Variants in MTBP observed in about 807,000 individuals in gnomAD.
MTBP encodes the protein MDM2 binding protein, also known as mdm2-binding protein.
In MTBP, 101 loss-of-function variants were observed where a neutral mutation model predicts 117.0. The observed-to-expected ratio is 0.86, with a 90% confidence interval of 0.73 to 1.02. The LOEUF (loss-of-function observed/expected upper bound fraction) is 1.02, where lower values mean the gene tolerates loss of function less well. MTBP is among the 50% of genes least tolerant of loss of function. The pLI, the probability that MTBP is intolerant of heterozygous loss-of-function variation, is 0.00. For missense variants in MTBP, 970 were observed against 1,030.9 expected, an observed-to-expected ratio of 0.94 and a Z score of 0.81; for synonymous variants, 350 against 351.5, an observed-to-expected ratio of 1.00 and a Z score of 0.05.
At chr8:120,448,509 G>T (rs1302869122) in intron 2 of MTBP, among the ~76,000 whole-genome samples, 1 of 152,106 alleles carries the variant, frequency 6.6e-6, no homozygotes, top group African/African-American at 2.4e-5. Context: ...AAACCAGAAG[G>T]CAACACAATT....
intron 11 of MTBP, among the ~76,000 whole-genome samples, chr8:120,475,530 TG>T (rs1009495720): frequency 1.9e-4 from 29 of 152,100 alleles, no homozygotes; most frequent in Admixed American, 2.6e-4. Flanking sequence ...AACCATCTGA[TG>T]TTTTTTTATA....
At chr8:120,495,501 C>A (rs555819745) in intron 13 of MTBP, among the ~76,000 whole-genome samples, 2 of 152,138 alleles carry the variant, frequency 1.3e-5, no homozygotes, top group East Asian at 1.9e-4. Context: ...ATCTTGAAAT[C>A]TGAATTTTTT....
intron 16 of MTBP, among the ~76,000 whole-genome samples, chr8:120,509,262 T>C (rs937183001): frequency 1.1e-4 from 16 of 152,188 alleles, no homozygotes; most frequent in African/African-American, 3.9e-4. Flanking sequence ...TTTAACTAAA[T>C]GCCTAAACAT....
intron 15 of MTBP, among the ~76,000 whole-genome samples, chr8:120,505,723 G>A (rs769317956): frequency 6.6e-6 from 1 of 152,160 alleles, no homozygotes; most frequent in Non-Finnish European, 1.5e-5. Context: ...TGGTAACAGA[G>A]CTAAGGTGAT....
In MTBP at chr8:120,510,006, A is replaced by C; in HGVS notation, c.1956A>C (p.Ser652=). The C allele has an allele frequency of 6.2e-7, 1 of 1,611,576 alleles. No homozygotes were observed. Among genetic ancestry groups the C allele is most frequent in the Non-Finnish European group, 8.5e-7 (1 of 1,178,470 alleles). The change falls in exon 17 of 22, where the codon TCA becomes TCC. Residue 652 remains serine, a synonymous_variant. Transcript: ENST00000305949. The stretch of plus-strand genomic sequence containing the variant: ...AGGTCTTACCTTTTGAGAAAGCCTC[A>C]GTATGTCATTATCATGGAATTGAGT... ...KLQVLPFEKA[S]VCHYHGIEYC...
At chr8:120,467,907 C>G (rs1015989231) in intron 10 of MTBP, among the ~76,000 whole-genome samples, 5 of 152,162 alleles carry the variant, frequency 3.3e-5, no homozygotes, top group Admixed American at 2.0e-4. Context: ...ATGGGTCCCA[C>G]CACATTTATA....
chr8:120,456,035 C>T (rs371629932), intron 6 of MTBP, among the ~76,000 whole-genome samples: 24 of 152,154 alleles, frequency 1.6e-4, no homozygotes, highest in East Asian at 1.5e-3. Context: ...TTTCATTCAA[C>T]GAATGTTTAT....
chr8:120,462,698 T>C (rs9297618), intron 9 of MTBP, among the ~76,000 whole-genome samples: 9,162 of 152,216 alleles, frequency 0.06, 566 homozygotes, highest in African/African-American at 0.16. Context: ...TTTTATCTTA[T>C]ATTAGATTCT....
rs770485325 is a variant in MTBP, at chr8:120,515,875, CT to C, written c.1980-49del. ...TATTTTCTCATTGAAAGGGGAAAGT[CT>C]GTTGCTCTCATGGAGGTTTACATTT... On this transcript the variant is annotated intron_variant, in intron 17 of 21. Coordinates refer to ENST00000305949, the MANE Select transcript of MTBP (RefSeq NM_022045.5). The C allele has an allele frequency of 7.5e-5, 115 of 1,523,618 alleles. No individual in the cohort carries two copies. The African/African-American group carries it at 1.5e-3, about 20-fold the overall frequency. The allele number at this position is 1,523,618 out of a possible 1,614,324, so 94.4% of individuals were successfully genotyped here.
At chr8:120,446,121 A>G (rs1432205112) in intron 1 of MTBP, among the ~76,000 whole-genome samples, 1 of 152,224 alleles carries the variant, frequency 6.6e-6, no homozygotes, top group Non-Finnish European at 1.5e-5. Flanking sequence ...TCGATCAAAC[A>G]GGCATTTTGA....
At chr8:120,517,073 C>T (rs1814932930) in intron 18 of MTBP, among the ~76,000 whole-genome samples, 2 of 151,750 alleles carry the variant, frequency 1.3e-5, no homozygotes. Flanking sequence ...TATATGTGTT[C>T]CTAAAAGGAA....
intron 13 of MTBP, among the ~76,000 whole-genome samples, chr8:120,495,176 A>C (rs1473571209): frequency 6.6e-6 from 1 of 152,072 alleles, no homozygotes; most frequent in African/African-American, 2.4e-5. Flanking sequence ...GAGTTCTTGC[A>C]TGTCTGAAAA....
intron 16 of MTBP, among the ~76,000 whole-genome samples, chr8:120,507,147 T>TA (rs1021001669): frequency 5.3e-5 from 8 of 151,834 alleles, no homozygotes; most frequent in Admixed American, 1.3e-4. Flanking sequence ...CAATGCTTTC[T>TA]AAAAAAAATA....
At chr8:120,495,382 T>A (rs1347410370) in intron 13 of MTBP, among the ~76,000 whole-genome samples, 2 of 152,186 alleles carry the variant, frequency 1.3e-5, no homozygotes, top group Non-Finnish European at 2.9e-5. Flanking sequence ...AGAATCATTG[T>A]CTCTAGAAGG....
Position 120,453,906 on chromosome 8 carries a change from G to T in MTBP, c.484+1G>T. On this transcript the variant is annotated splice_donor_variant, in intron 5 of 21. Coordinates refer to ENST00000305949, the MANE Select transcript of MTBP (RefSeq NM_022045.5). LOFTEE classifies it high-confidence loss of function. ...CTGTCAGACAAGCTTCCTGCTCCTGGTAATATTTTATGACTGCTTTCAATA... is the reference window on the plus strand; with the variant it reads ...CTGTCAGACAAGCTTCCTGCTCCTGTTAATATTTTATGACTGCTTTCAATA... The T allele has an allele frequency of 6.5e-7, 1 of 1,547,418 alleles. No homozygotes were observed. The highest frequency in any genetic ancestry group is 1.4e-5 in the African/African-American group (1 of 73,006).
intron 11 of MTBP, 136 bp from the exon 12 acceptor site, chr8:120,488,023 T>C: frequency 1.8e-6 from 1 of 562,302 alleles, no homozygotes; most frequent in Non-Finnish European, 2.9e-6. Flanking sequence ...AATGAACAAC[T>C]ACTAGCCCTG....
intron 20 of MTBP, among the ~76,000 whole-genome samples, chr8:120,520,360 C>T (rs1814992119): frequency 6.6e-6 from 1 of 151,722 alleles, no homozygotes; most frequent in South Asian, 2.1e-4. Context: ...AAAAATTTAC[C>T]AGAAATTAGA....
chr8:120,504,846 C>T (rs1262893570), intron 15 of MTBP, among the ~76,000 whole-genome samples: 1 of 151,150 alleles, frequency 6.6e-6, no homozygotes, highest in Non-Finnish European at 1.5e-5. Context: ...TTTCCTTTAC[C>T]TTTGGTTTCA....
chr8:120,516,224 G>A (rs753992719), intron 18 of MTBP, 33 bp downstream of exon 18: 2 of 1,499,864 alleles, frequency 1.3e-6, no homozygotes, highest in South Asian at 2.6e-5. Context: ...ATAGTATATT[G>A]ACAGAAAGTA....
Sources: gnomAD v4.1 joint callset for allele counts (sites outside exome capture counted in the v4.1 genomes callset) on GRCh38, gnomAD v4.1.1 for gene constraint, MANE v1.5 for transcripts, NCBI Gene and HGNC (gene_info 2026-07-23, HGNC 2026-07-21) for gene names.